The following NELL1 variants were observed in gnomAD, a reference collection of about 807,000 sequenced individuals.
NELL1 encodes protein kinase C-binding protein NELL1.
In NELL1, 76 loss-of-function variants were observed where a neutral mutation model predicts 107.4. The observed-to-expected ratio is 0.71, with a 90% CI of 0.59 to 0.86. The LOEUF is 0.86. Among genes scored for constraint, NELL1 ranks in the 40% least tolerant of loss-of-function variants. NELL1 has a pLI of 0.00. For missense variants in NELL1, 1,024 were observed against 1,005.5 expected, an observed-to-expected ratio of 1.02 and a Z score of -0.25; for synonymous variants, 353 against 341.2, an observed-to-expected ratio of 1.03 and a Z score of -0.38.
At chr11:21,489,153 A>G (rs1172141150) in intron 15 of NELL1, among the ~76,000 whole-genome samples, 2 of 151,912 alleles carry the variant, frequency 1.3e-5, no homozygotes, top group African/African-American at 4.8e-5. Context: ...GTGAACAGTT[A>G]TACACTAACA....
chr11:20,826,619 T>C (rs548244884), intron 3 of NELL1, among the ~76,000 whole-genome samples: 1 of 151,360 alleles, frequency 6.6e-6, no homozygotes, highest in Non-Finnish European at 1.5e-5. Flanking sequence ...GTTAATTATT[T>C]TTTATTGCAC....
At chr11:21,497,359 A>G (rs1216294526) in intron 15 of NELL1, among the ~76,000 whole-genome samples, 1 of 152,170 alleles carries the variant, frequency 6.6e-6, no homozygotes. Flanking sequence ...TTCAGTGCAG[A>G]TCTTTTCCTC....
intron 5 of NELL1, among the ~76,000 whole-genome samples, chr11:20,904,820 TTTTC>T (rs1367140306): frequency 4.0e-5 from 6 of 151,814 alleles, no homozygotes; most frequent in Admixed American, 1.3e-4. Flanking sequence ...TTAAGTTTTT[TTTTC>T]TTTCTTTCTT....
chr11:20,984,427 A>G (rs1272960069), intron 12 of NELL1, among the ~76,000 whole-genome samples: 1 of 152,142 alleles, frequency 6.6e-6, no homozygotes, highest in African/African-American at 2.4e-5. Context: ...CTGATCTGCA[A>G]AAAGGGTTAG....
intron 14 of NELL1, among the ~76,000 whole-genome samples, chr11:21,247,535 C>T (rs767707713): frequency 3.9e-5 from 6 of 152,030 alleles, no homozygotes; most frequent in Non-Finnish European, 8.8e-5. Flanking sequence ...ACTTTTGTCC[C>T]GTTAGAGGGT....
At chr11:21,228,194 G>A (rs1857943445) in intron 13 of NELL1, among the ~76,000 whole-genome samples, 1 of 152,126 alleles carries the variant, frequency 6.6e-6, no homozygotes, top group Non-Finnish European at 1.5e-5. Context: ...TTGCCATATT[G>A]TTTAGTTATA....
chr11:21,207,969 T>C (rs2133856676), intron 13 of NELL1, among the ~76,000 whole-genome samples: 1 of 152,328 alleles, frequency 6.6e-6, no homozygotes, highest in South Asian at 2.1e-4. Flanking sequence ...ATAAAAAGGT[T>C]ACAATAGTGA....
At chr11:20,841,905 A>C (rs559463925) in intron 3 of NELL1, among the ~76,000 whole-genome samples, 1 of 152,296 alleles carries the variant, frequency 6.6e-6, no homozygotes, top group African/African-American at 2.4e-5. Context: ...TAAGATTGCA[A>C]CTCAAGCTTC....
At chr11:20,875,402 G>T (rs760740363) in intron 4 of NELL1, among the ~76,000 whole-genome samples, 51 of 152,028 alleles carry the variant, frequency 3.4e-4, no homozygotes, top group Non-Finnish European at 4.7e-4. Context: ...TTTCCAGCAT[G>T]TTTAAGAAGC....
At chr11:21,401,247 C>T (rs77322051) in intron 15 of NELL1, among the ~76,000 whole-genome samples, 2,575 of 151,664 alleles carry the variant, frequency 0.017, 90 homozygotes, top group African/African-American at 0.058. Context: ...GCCTAAGTTC[C>T]TTGGGAAGAA....
chr11:21,402,998 A>G lies in NELL1; in HGVS notation c.1645+32050A>G, dbSNP rs138024414. ...AAGAACTGGGCTGTGACTCTTGTCA[A>G]TAACTGTAGGGAAGCCACAAAAACC... On this transcript the variant is annotated intron_variant, in intron 15 of 19. Coordinates refer to ENST00000357134, the MANE Select transcript of NELL1 (RefSeq NM_006157.5). 9.9e-5 allele frequency among the ~76,000 whole-genome samples: 15 copies of G among 151,892 alleles called. No homozygotes were observed. In the East Asian group the frequency reaches 2.2e-3, roughly 22 times the overall value.
intron 15 of NELL1, among the ~76,000 whole-genome samples, chr11:21,512,926 C>T (rs1331742298): frequency 6.6e-6 from 1 of 152,150 alleles, no homozygotes; most frequent in East Asian, 1.9e-4. Context: ...AGCTAATGCT[C>T]AGCAGATATT....
At chr11:20,698,075 C>T (rs1227857540) in intron 2 of NELL1, among the ~76,000 whole-genome samples, 1 of 152,286 alleles carries the variant, frequency 6.6e-6, no homozygotes, top group Non-Finnish European at 1.5e-5. Flanking sequence ...TACTAGTCAA[C>T]CTTACTTTGA....
At chr11:21,341,138 GA>G (rs1448283480) in intron 14 of NELL1, among the ~76,000 whole-genome samples, 2 of 152,090 alleles carry the variant, frequency 1.3e-5, no homozygotes, top group Non-Finnish European at 2.9e-5. Context: ...CTGATAAAAA[GA>G]AATATGATAT....
chr11:21,302,568 T>C (rs895489838), intron 14 of NELL1, among the ~76,000 whole-genome samples: 2 of 152,026 alleles, frequency 1.3e-5, no homozygotes, highest in Non-Finnish European at 2.9e-5. Flanking sequence ...TATAATATTA[T>C]TATTTTGGCT....
chr11:21,273,925 C>T (rs758089221), intron 14 of NELL1, among the ~76,000 whole-genome samples: 1 of 152,298 alleles, frequency 6.6e-6, no homozygotes, highest in Non-Finnish European at 1.5e-5. Flanking sequence ...AAAGGAACAA[C>T]CAGTACCAGC....
At chr11:21,428,628 A>G (rs1852891229) in intron 15 of NELL1, among the ~76,000 whole-genome samples, 1 of 152,140 alleles carries the variant, frequency 6.6e-6, no homozygotes, top group South Asian at 2.1e-4. Flanking sequence ...ATAGCTTATG[A>G]CTTAGAATTT....
Position 21,232,137 on chromosome 11 carries a change from T to TA in NELL1, c.1549+2692dup, listed in dbSNP as rs764469809. The stretch of plus-strand genomic sequence containing the variant: ...CAACATGACAAAACTCCATCTCTAC[T>TA]AAAAAAAAATAAAAAAAAAAAAATA... On this transcript the variant is annotated intron_variant, in intron 14 of 19. Coordinates refer to ENST00000357134, the MANE Select transcript of NELL1 (RefSeq NM_006157.5). 1.9e-3 allele frequency among the ~76,000 whole-genome samples: 109 copies of TA among 57,526 alleles called. 2 individuals carry two copies. Among genetic ancestry groups the TA allele is most frequent in the African/African-American group, 7.9e-3 (90 of 11,420 alleles). 37.7% of individuals were successfully genotyped at this position (57,526 alleles called of 152,430 possible).
At chr11:20,890,672 G>A (rs939894872) in intron 5 of NELL1, among the ~76,000 whole-genome samples, 3 of 151,930 alleles carry the variant, frequency 2.0e-5, no homozygotes, top group Non-Finnish European at 2.9e-5. Flanking sequence ...TATGAACAAC[G>A]TGATGGAACT....
Sources: gnomAD v4.1 joint callset for allele counts (sites outside exome capture counted in the v4.1 genomes callset) on GRCh38, gnomAD v4.1.1 for gene constraint, MANE v1.5 for transcripts, NCBI Gene and HGNC (gene_info 2026-07-23, HGNC 2026-07-21) for gene names.